The following FAAH2 variants were observed in gnomAD, a reference collection of about 807,000 sequenced individuals.
The protein encoded by FAAH2 is fatty acid amide hydrolase 2.
In FAAH2, 60 loss-of-function variants were observed where a neutral mutation model predicts 36.9. The ratio of observed to expected loss-of-function variants is 1.63; its 90% CI spans 1.32 to 2.02. The LOEUF is 2.02. Among genes scored for constraint, FAAH2 ranks in the 30% most tolerant of loss-of-function variants. The probability of loss-of-function intolerance (pLI) is 0.00; values close to 1 mark genes in which losing one functional copy is unlikely to be tolerated. For missense variants in FAAH2, 689 were observed against 397.5 expected, an observed-to-expected ratio of 1.73 and a Z score of -6.23; for synonymous variants, 214 against 143.8, an observed-to-expected ratio of 1.49 and a Z score of -3.49.
the FAAH2 span, chrX:57,126,750 T>C: frequency 8.9e-6 from 1 of 111,763 alleles, no homozygotes; most frequent in Non-Finnish European, 1.9e-5. Flanking sequence ...CTGCAAGTGA[T>C]TGATTTGGCA....
the FAAH2 span, among the ~76,000 whole-genome samples, chrX:57,231,050 TGTGTGTGTGTGTGTGTGA>T: frequency 1.8e-5 from 2 of 108,269 alleles, no homozygotes; most frequent in Non-Finnish European, 3.8e-5. Context: ...TGTGTGTGTG[TGTGTGTGTGTGTGTGTGA>T]GTGTGTGTGT....
intron 7 of FAAH2, chrX:57,394,292 C>T: frequency 1.0e-6 from 1 of 958,557 alleles, no homozygotes; most frequent in Non-Finnish European, 1.5e-6. Context: ...CGTGCTTTTC[C>T]CTTCTCCCAG....
At chrX:57,240,134 G>A in the FAAH2 span, among the ~76,000 whole-genome samples, 36 of 111,984 alleles carry the variant, frequency 3.2e-4, no homozygotes, top group African/African-American at 1.1e-3. Context: ...TCTTGCACTG[G>A]TTGTTTTGTA....
intron 8 of FAAH2, among the ~76,000 whole-genome samples, chrX:57,442,200 A>G (rs2056573836): frequency 1.8e-5 from 2 of 110,741 alleles, no homozygotes; most frequent in Admixed American, 1.9e-4. Context: ...TCTAATGTTG[A>G]GAGTGGGGTG....
intron 5 of FAAH2, among the ~76,000 whole-genome samples, chrX:57,360,849 C>G (rs917556874): frequency 3.6e-5 from 4 of 110,367 alleles, no homozygotes; most frequent in Non-Finnish European, 7.6e-5. Context: ...CCGACAGGCC[C>G]CGGTGTGTGT....
At chrX:57,218,484 T>G in the FAAH2 span, among the ~76,000 whole-genome samples, 1 of 112,320 alleles carries the variant, frequency 8.9e-6, no homozygotes, top group African/African-American at 3.2e-5. Context: ...AAATTCTGTT[T>G]ATATGGTGTA....
At position 57,438,213 on chromosome X, in the gene FAAH2, ATATATATATCAG is replaced by A. The variant is rs1410363848; in HGVS notation, c.1116+6197_1116+6208del. Among the ~76,000 whole-genome samples, 12 of 96,540 alleles carry A rather than the reference ATATATATATCAG, an allele frequency of 1.2e-4. No homozygotes were observed. In the East Asian group the frequency reaches 1.3e-3, roughly 10 times the overall value. The allele number at this position is 96,540 out of a possible 115,157, so 83.8% of individuals were successfully genotyped here. A position where few individuals can be genotyped will look rare whatever the true frequency, so the allele number is the denominator to read the frequency against. ...TACTGATATCTATATCTATATCACT[ATATATATATCAG>A]TATATATATCAGTATATATAGATAT... On this transcript the variant is annotated intron_variant, in intron 8 of 10. Coordinates refer to ENST00000374900, the MANE Select transcript of FAAH2 (RefSeq NM_174912.4).
At chrX:57,279,924 C>A in the FAAH2 span, among the ~76,000 whole-genome samples, 5 of 111,781 alleles carry the variant, frequency 4.5e-5, no homozygotes, top group Admixed American at 3.8e-4. Flanking sequence ...CCCATGAGAG[C>A]TGGCACAAGA....
chrX:57,306,992 C>G (rs866349154), intron 2 of FAAH2, among the ~76,000 whole-genome samples: 951 of 8,028 alleles, frequency 0.12, 57 homozygotes, highest in African/African-American at 0.13. Flanking sequence ...CACACACACA[C>G]AGATACATAT....
intron 3 of FAAH2, among the ~76,000 whole-genome samples, chrX:57,321,258 A>C (rs1045255268): frequency 1.8e-5 from 2 of 110,271 alleles, no homozygotes; most frequent in African/African-American, 6.6e-5. Context: ...CTCACTCAGG[A>C]GTGGGAGTTG....
intron 5 of FAAH2, among the ~76,000 whole-genome samples, chrX:57,356,865 G>A (rs891939902): frequency 1.8e-5 from 2 of 110,391 alleles, no homozygotes; most frequent in African/African-American, 3.3e-5. Flanking sequence ...AGGTATATAC[G>A]TGCAATGGTG....
chrX:57,285,941 C>A (rs184849049), upstream of FAAH2, among the ~76,000 whole-genome samples: 171 of 111,810 alleles, frequency 1.5e-3, 2 homozygotes, highest in African/African-American at 5.4e-3. Flanking sequence ...CTGAGCCAGA[C>A]TGAGTTGAGA....
At chrX:57,233,885 A>G in the FAAH2 span, among the ~76,000 whole-genome samples, 5 of 112,393 alleles carry the variant, frequency 4.4e-5, no homozygotes, top group East Asian at 1.4e-3. Context: ...GCCTTAAGTG[A>G]TCCGCCCGCC....
At chrX:57,432,200 G>C (rs1267613880) in intron 8 of FAAH2, among the ~76,000 whole-genome samples, 163 bp downstream of exon 8, 1 of 111,206 alleles carries the variant, frequency 9.0e-6, no homozygotes, top group Non-Finnish European at 1.9e-5. Flanking sequence ...ATGCCTATAC[G>C]GAATAGGCAT....
chrX:57,301,518 C>G (rs1367605672), intron 2 of FAAH2, among the ~76,000 whole-genome samples: 2 of 106,568 alleles, frequency 1.9e-5, no homozygotes, highest in Non-Finnish European at 3.9e-5. Flanking sequence ...TGCTAAATGA[C>G]GAGTTAATGG....
At chrX:57,160,532 T>C in the FAAH2 span, among the ~76,000 whole-genome samples, 1 of 112,223 alleles carries the variant, frequency 8.9e-6, no homozygotes, top group African/African-American at 3.2e-5. Context: ...GTTATTGTTC[T>C]ATGCAGAGAT....
intron 10 of FAAH2, among the ~76,000 whole-genome samples, chrX:57,479,301 G>A (rs1476358077): frequency 1.8e-5 from 2 of 111,626 alleles, no homozygotes; most frequent in Non-Finnish European, 3.8e-5. Context: ...TCTGTTATTG[G>A]TATATAAGAA....
intron 7 of FAAH2, among the ~76,000 whole-genome samples, chrX:57,427,122 A>T (rs2056181648): frequency 9.0e-6 from 1 of 111,319 alleles, no homozygotes; most frequent in South Asian, 3.7e-4. Flanking sequence ...CTATGCTAAT[A>T]AGCAAGAAAA....
chrX:57,219,274 C>T, the FAAH2 span, among the ~76,000 whole-genome samples: 1 of 111,377 alleles, frequency 9.0e-6, no homozygotes, highest in Non-Finnish European at 1.9e-5. Flanking sequence ...CACACTGCCT[C>T]GTGTTGTCTG....
Sources: gnomAD v4.1 joint callset for allele counts (sites outside exome capture counted in the v4.1 genomes callset) on GRCh38, gnomAD v4.1.1 for gene constraint, MANE v1.5 for transcripts, NCBI Gene and HGNC (gene_info 2026-07-23, HGNC 2026-07-21) for gene names.